Variants in NALF1 observed in about 807,000 individuals in gnomAD.
NALF1 encodes family with sequence similarity 155 member A.
Under a neutral mutation model 48.4 loss-of-function variants are expected in NALF1, and 3 were observed. That is an observed-to-expected ratio of 0.06 (90% confidence interval 0.03 to 0.16). NALF1 has a LOEUF of 0.16. Among genes scored for constraint, NALF1 ranks in the 10% least tolerant of loss-of-function variants. The pLI is 1.00. For synonymous variants in NALF1, 262 were observed against 245.7 expected (o/e 1.07, Z -0.62); for missense variants, 526 against 571.5 (o/e 0.92, Z 0.81).
chr13:107,302,669 A>G (rs1881859919), intron 1 of NALF1, among the ~76,000 whole-genome samples: 1 of 152,268 alleles, frequency 6.6e-6, no homozygotes, highest in South Asian at 2.1e-4. Context: ...AAAAATTAAT[A>G]AAATAAAATA....
intron 1 of NALF1, among the ~76,000 whole-genome samples, chr13:107,714,385 G>C (rs989549937): frequency 9.2e-5 from 14 of 152,092 alleles, no homozygotes; most frequent in African/African-American, 2.9e-4. Context: ...TAGGAAACCA[G>C]GCCAGGCGCA....
intron 1 of NALF1, among the ~76,000 whole-genome samples, chr13:107,446,999 G>A (rs1212967878): frequency 6.6e-6 from 1 of 152,276 alleles, no homozygotes; most frequent in East Asian, 1.9e-4. Context: ...TTGATAAATT[G>A]GAGACATCAA....
chr13:107,369,698 A>AT (rs1456232010), intron 1 of NALF1, among the ~76,000 whole-genome samples: 1 of 152,190 alleles, frequency 6.6e-6, no homozygotes, highest in Non-Finnish European at 1.5e-5. Flanking sequence ...GGGCTTTATT[A>AT]CTATCCAAAT....
intron 1 of NALF1, among the ~76,000 whole-genome samples, chr13:107,632,607 T>A (rs1259022842): frequency 6.6e-6 from 1 of 152,090 alleles, no homozygotes; most frequent in Non-Finnish European, 1.5e-5. Context: ...ATTATCTCTG[T>A]AGACTAATGT....
At chr13:107,844,877 C>G (rs1880131023) in intron 1 of NALF1, among the ~76,000 whole-genome samples, 1 of 152,086 alleles carries the variant, frequency 6.6e-6, no homozygotes, top group Non-Finnish European at 1.5e-5. Context: ...CCTGGATACC[C>G]AACAGTTGGT....
At chr13:107,307,651 A>C (rs1435880737) in intron 1 of NALF1, among the ~76,000 whole-genome samples, 17 of 151,266 alleles carry the variant, frequency 1.1e-4, no homozygotes, top group African/African-American at 4.1e-4. Context: ...AAAAAAAAAA[A>C]AAAAACTTGC....
intron 1 of NALF1, among the ~76,000 whole-genome samples, chr13:107,831,669 G>A (rs1879734906): frequency 6.6e-6 from 1 of 152,092 alleles, no homozygotes; most frequent in African/African-American, 2.4e-5. Flanking sequence ...TAATGATGAG[G>A]TAGAAATGAC....
At chr13:107,331,374 C>T (rs1189098052) in intron 1 of NALF1, among the ~76,000 whole-genome samples, 1 of 152,126 alleles carries the variant, frequency 6.6e-6, no homozygotes, top group Non-Finnish European at 1.5e-5. Flanking sequence ...TCTCATAGCA[C>T]TGTAATGTTT....
intron 2 of NALF1, among the ~76,000 whole-genome samples, chr13:107,180,564 T>C (rs1879039773): frequency 6.6e-6 from 1 of 151,942 alleles, no homozygotes; most frequent in African/African-American, 2.4e-5. Context: ...GTCTTTTTCA[T>C]CTGAAAAAAG....
chr13:107,173,070 C>CA (rs1335232261), intron 2 of NALF1, among the ~76,000 whole-genome samples: 19 of 151,744 alleles, frequency 1.3e-4, no homozygotes, highest in Admixed American at 7.9e-4. Context: ...TACAAAATAA[C>CA]AAAAAAAATC....
At chr13:107,209,766 T>C (rs1879721586) in intron 2 of NALF1, among the ~76,000 whole-genome samples, 1 of 152,136 alleles carries the variant, frequency 6.6e-6, no homozygotes, top group Non-Finnish European at 1.5e-5. Context: ...AAACAAAACG[T>C]GCTACAGCTT....
chr13:107,540,049 T>TACACACACAC (rs143201791), intron 1 of NALF1, among the ~76,000 whole-genome samples: 40 of 149,504 alleles, frequency 2.7e-4, no homozygotes, highest in East Asian at 8.0e-4. Flanking sequence ...GCTTCTGATG[T>TACACACACAC]ACACACACAC....
chr13:107,630,820 A>G (rs1879815890), intron 1 of NALF1, among the ~76,000 whole-genome samples: 1 of 152,108 alleles, frequency 6.6e-6, no homozygotes, highest in African/African-American at 2.4e-5. Context: ...TCAGTTGTTA[A>G]GCAGAAACGT....
At chr13:107,242,825 T>C (rs1278327401) in intron 1 of NALF1, among the ~76,000 whole-genome samples, 1 of 152,148 alleles carries the variant, frequency 6.6e-6, no homozygotes, top group African/African-American at 2.4e-5. Context: ...ACTCAATTTG[T>C]TGGACAGGTG....
chr13:107,417,405 T>C (rs1289523162), intron 1 of NALF1, among the ~76,000 whole-genome samples: 1 of 146,866 alleles, frequency 6.8e-6, no homozygotes, highest in Non-Finnish European at 1.5e-5. Flanking sequence ...AGGTATCTAT[T>C]ATCTTCATCT....
In NALF1 at chr13:107,485,657, C is replaced by T. The variant is rs891410808; in HGVS notation, c.916-274902G>A. Among the ~76,000 whole-genome samples the T allele has an allele frequency of 2.6e-5, 4 of 152,292 alleles. No individual in the cohort carries two copies. The East Asian group carries it at 7.7e-4, about 29-fold the overall frequency. Reference sequence around the variant, plus strand: ...TCAGTAGAGAACGAAGTTTGCAGATCATTTTCAATAACTATTCATTGAAGG... The same window carrying T: ...TCAGTAGAGAACGAAGTTTGCAGATTATTTTCAATAACTATTCATTGAAGG... On this transcript the variant is annotated intron_variant, in intron 1 of 2. Transcript: ENST00000375915.
chr13:107,242,327 T>G (rs949089822), intron 1 of NALF1, among the ~76,000 whole-genome samples: 1 of 152,150 alleles, frequency 6.6e-6, no homozygotes, highest in African/African-American at 2.4e-5. Context: ...GGAGGAGGCC[T>G]CATGCTGGGA....
At chr13:107,678,268 G>A (rs1329481794) in intron 1 of NALF1, among the ~76,000 whole-genome samples, 1 of 152,192 alleles carries the variant, frequency 6.6e-6, no homozygotes, top group Non-Finnish European at 1.5e-5. Flanking sequence ...TGTGTGCTCA[G>A]CGTATGGCCG....
At chr13:107,239,252 G>A (rs769381437) in intron 1 of NALF1, among the ~76,000 whole-genome samples, 18 of 152,144 alleles carry the variant, frequency 1.2e-4, no homozygotes, top group African/African-American at 4.3e-4. Context: ...AAACTGAAGC[G>A]CCGACAGGCC....
Sources: allele counts gnomAD v4.1 joint callset (sites outside exome capture counted in the v4.1 genomes callset), GRCh38; gene constraint gnomAD v4.1.1; transcripts MANE v1.5; gene names NCBI Gene and HGNC (gene_info 2026-07-23, HGNC 2026-07-21).